The following RASA1 variants were observed in gnomAD, a reference collection of about 807,000 sequenced individuals.
RASA1 encodes the protein ras GTPase-activating protein 1.
Under a neutral mutation model 132.2 loss-of-function variants are expected in RASA1, and 25 were observed. The ratio of observed to expected loss-of-function variants is 0.19; its 90% CI spans 0.14 to 0.26. The LOEUF is 0.26. Ranked by LOEUF, RASA1 falls within the 10% of genes least tolerant of loss-of-function variation. RASA1 has a pLI of 1.00. For missense variants in RASA1, 964 were observed against 1,299.2 expected (o/e 0.74, Z 3.97); for synonymous variants, 477 against 449.9 (o/e 1.06, Z -0.76).
chr5:87,341,581 C>T (rs1758463484), intron 6 of RASA1, among the ~76,000 whole-genome samples: 2 of 152,078 alleles, frequency 1.3e-5, no homozygotes, highest in Non-Finnish European at 2.9e-5. Context: ...ACATTTATAA[C>T]ATTATGAATG....
chr5:87,287,822 TACACACACC>T (rs1561257643), intron 1 of RASA1, among the ~76,000 whole-genome samples: 37 of 127,060 alleles, frequency 2.9e-4, no homozygotes, highest in East Asian at 9.1e-4. Context: ...ATACCATATA[TACACACACC>T]ATATATATAC....
At chr5:87,274,321 C>G (rs1163083889) in intron 1 of RASA1, among the ~76,000 whole-genome samples, 1 of 152,094 alleles carries the variant, frequency 6.6e-6, no homozygotes. Context: ...ATTTTACTGT[C>G]TCTACAAAAA....
At chr5:87,287,943 T>C (rs1245916767) in intron 1 of RASA1, among the ~76,000 whole-genome samples, 1 of 124,056 alleles carries the variant, frequency 8.1e-6, no homozygotes, top group African/African-American at 3.4e-5. Flanking sequence ...ACCATATATA[T>C]ATAACATATA....
intron 11 of RASA1, among the ~76,000 whole-genome samples, chr5:87,364,134 A>G (rs555912241): frequency 6.6e-6 from 1 of 152,182 alleles, no homozygotes; most frequent in South Asian, 2.1e-4. Context: ...TGTACTTACC[A>G]TTTTTATTAC....
chr5:87,386,535 G>A (rs950598791), intron 22 of RASA1, among the ~76,000 whole-genome samples: 3 of 151,856 alleles, frequency 2.0e-5, no homozygotes, highest in Non-Finnish European at 4.4e-5. Flanking sequence ...TTGTGCTTGG[G>A]TCCAGAATTT....
intron 1 of RASA1, among the ~76,000 whole-genome samples, chr5:87,295,219 C>A (rs1395828263): frequency 6.6e-6 from 1 of 151,984 alleles, no homozygotes; most frequent in East Asian, 1.9e-4. Context: ...TGCTTTTAAT[C>A]TGTATGTGTT....
At position 87,268,622 on chromosome 5, in the gene RASA1, G is replaced by C. The variant is rs750118245; in HGVS notation, c.171G>C (p.Val57=). 25 of 1,611,950 alleles carry C rather than the reference G, an allele frequency of 1.6e-5. No individual in the cohort carries two copies. Among genetic ancestry groups the C allele is most frequent in the Non-Finnish European group, 1.9e-5 (23 of 1,179,490 alleles). ...APYPGLVETG[V]AGTLGGGAAL... ...ATCCTGGGCTGGTGGAGACCGGAGT[G>C]GCTGGAACTCTGGGTGGCGGAGCCG... Residue 57 remains valine, a synonymous_variant, in exon 1 of 25, where the codon GTG becomes GTC. Transcript: ENST00000274376.
At chr5:87,381,775 TATAA>T (rs1380602048) in intron 20 of RASA1, among the ~76,000 whole-genome samples, 1 of 152,162 alleles carries the variant, frequency 6.6e-6, no homozygotes, top group Non-Finnish European at 1.5e-5. Flanking sequence ...TTCAAACAAG[TATAA>T]CTGTTAAGCA....
intron 4 of RASA1, among the ~76,000 whole-genome samples, chr5:87,337,638 G>A (rs562787600): frequency 2.0e-5 from 3 of 151,992 alleles, no homozygotes; most frequent in East Asian, 1.9e-4. Flanking sequence ...CAGTTTTCTT[G>A]TAGTTACACC....
chr5:87,310,868 A>G (rs937485655), intron 1 of RASA1, among the ~76,000 whole-genome samples: 14 of 152,248 alleles, frequency 9.2e-5, no homozygotes, highest in Non-Finnish European at 2.9e-5. Flanking sequence ...ATGATTCATT[A>G]TCAAGTAATT....
At chr5:87,292,033 G>C (rs1187104094) in intron 1 of RASA1, among the ~76,000 whole-genome samples, 1 of 152,082 alleles carries the variant, frequency 6.6e-6, no homozygotes, top group Non-Finnish European at 1.5e-5. Flanking sequence ...TTTTCTTATT[G>C]TTGTGAAGAG....
In RASA1 at chr5:87,337,982, A is replaced by G. The variant is rs2112386501; in HGVS notation, c.908A>G (p.Lys303Arg). The G allele has an allele frequency of 6.2e-7, 1 of 1,605,934 alleles. No individual in the cohort carries two copies. Among genetic ancestry groups the G allele is most frequent in the East Asian group, 2.2e-5 (1 of 44,498 alleles). Residue 303 changes from lysine to arginine, a missense_variant, in exon 5 of 25, where the codon AAA becomes AGA. Coordinates refer to ENST00000274376, the MANE Select transcript of RASA1 (RefSeq NM_002890.3). ...AAAATTGCTATTTTCAGTTTCTTAA[A>G]AGGAGATATGTTCATTGTTCATAAT... ...VPDTDEISFL[K>R]GDMFIVHNEL...
chr5:87,379,533 G>C (rs1034430729), intron 18 of RASA1, among the ~76,000 whole-genome samples: 3 of 152,016 alleles, frequency 2.0e-5, no homozygotes, highest in Admixed American at 1.3e-4. Context: ...GGCTAATTGG[G>C]AATAAATGGT....
intron 9 of RASA1, among the ~76,000 whole-genome samples, chr5:87,360,722 ATTGAGT>A (rs1189398653): frequency 1.3e-5 from 2 of 152,172 alleles, no homozygotes; most frequent in African/African-American, 4.8e-5. Context: ...TCACTCAGTG[ATTGAGT>A]TTGAGAAAAT....
At chr5:87,352,391 A>G (rs1023305047) in intron 8 of RASA1, among the ~76,000 whole-genome samples, 2 of 151,690 alleles carry the variant, frequency 1.3e-5, no homozygotes, top group Non-Finnish European at 3.0e-5. Context: ...AGGTGGCTCA[A>G]AAGTTCCCAT....
intron 9 of RASA1, among the ~76,000 whole-genome samples, chr5:87,359,682 A>C (rs1186722418): frequency 6.6e-6 from 1 of 152,214 alleles, no homozygotes; most frequent in Non-Finnish European, 1.5e-5. Context: ...CCAGGAAAGT[A>C]AAGTCATCAC....
At chr5:87,298,817 A>G (rs529056815) in intron 1 of RASA1, among the ~76,000 whole-genome samples, 1 of 152,306 alleles carries the variant, frequency 6.6e-6, no homozygotes, top group Non-Finnish European at 1.5e-5. Flanking sequence ...GTTTTGAACA[A>G]AGAGAGCGAA....
chr5:87,385,221 T>A (rs552588603), intron 21 of RASA1, 80 bp from the exon 22 acceptor site: 1 of 920,950 alleles, frequency 1.1e-6, no homozygotes, highest in African/African-American at 1.6e-5. Flanking sequence ...TAAAGAAATA[T>A]TAAAGTGCTA....
At chr5:87,333,077 T>C (rs1580283923) in intron 3 of RASA1, among the ~76,000 whole-genome samples, 190 bp from the exon 4 acceptor site, 1 of 152,088 alleles carries the variant, frequency 6.6e-6, no homozygotes, top group African/African-American at 2.4e-5. Flanking sequence ...AAAATATGAT[T>C]TTCATAAAAA....
Sources: allele counts gnomAD v4.1 joint callset (sites outside exome capture counted in the v4.1 genomes callset), GRCh38; gene constraint gnomAD v4.1.1; transcripts MANE v1.5; gene names NCBI Gene and HGNC (gene_info 2026-07-23, HGNC 2026-07-21).